The following SNUPN variants were observed in gnomAD, a reference collection of about 807,000 sequenced individuals.
SNUPN encodes the protein snurportin 1.
A neutral mutation model predicts 39.2 loss-of-function variants in SNUPN; 31 were observed. The observed-to-expected ratio is 0.79, with a 90% CI of 0.59 to 1.07. SNUPN has a LOEUF of 1.07. Among genes scored for constraint, SNUPN ranks in the 50% least tolerant of loss-of-function variants. The pLI, the probability that SNUPN is intolerant of heterozygous loss-of-function variation, is 0.00. For synonymous variants in SNUPN, 132 were observed against 159.0 expected, an observed-to-expected ratio of 0.83 and a Z score of 1.28; for missense variants, 382 against 434.2, an observed-to-expected ratio of 0.88 and a Z score of 1.07.
chr15:75,619,380 G>A (rs575140781), intron 2 of SNUPN, among the ~76,000 whole-genome samples: 6 of 152,052 alleles, frequency 3.9e-5, no homozygotes, highest in South Asian at 2.1e-4. Flanking sequence ...AGTGGCTGAC[G>A]TCTGAAATCC....
chr15:75,621,182 G>A (rs1288866701), intron 1 of SNUPN, 126 bp from the exon 2 acceptor site: 4 of 820,272 alleles, frequency 4.9e-6, no homozygotes, highest in Non-Finnish European at 7.7e-6. Flanking sequence ...AAAATCACAA[G>A]TGTTTCCATG....
chr15:75,622,657 C>T (rs945051256), intron 1 of SNUPN, among the ~76,000 whole-genome samples: 20 of 152,180 alleles, frequency 1.3e-4, no homozygotes, highest in Admixed American at 4.6e-4. Flanking sequence ...CAGTGCTTAA[C>T]CTCCATCCCA....
At chr15:75,606,497 A>AAAACCCCC (rs2075331998) in intron 6 of SNUPN, among the ~76,000 whole-genome samples, 2 of 152,050 alleles carry the variant, frequency 1.3e-5, no homozygotes, top group Admixed American at 1.3e-4. Context: ...AGGAAGTACC[A>AAAACCCCC]AAACCCCCAA....
intron 2 of SNUPN, among the ~76,000 whole-genome samples, chr15:75,620,256 T>C (rs1031291571): frequency 6.6e-6 from 1 of 152,166 alleles, no homozygotes; most frequent in Non-Finnish European, 1.5e-5. Context: ...GTTAGTAGTT[T>C]CTTCTGATCC....
intron 8 of SNUPN, among the ~76,000 whole-genome samples, chr15:75,598,941 C>A (rs969820302): frequency 6.6e-6 from 1 of 152,032 alleles, no homozygotes; most frequent in Non-Finnish European, 1.5e-5. Context: ...CTGAGGCAGG[C>A]AGATTGCTTG....
chr15:75,601,339 C>T, intron 7 of SNUPN, 121 bp from the exon 8 acceptor site: 1 of 666,222 alleles, frequency 1.5e-6, no homozygotes. Context: ...CTTTGGGAGG[C>T]AAAGTCAGGA....
intron 6 of SNUPN, chr15:75,605,497 C>T (rs2075324137): frequency 3.4e-6 from 1 of 293,248 alleles, no homozygotes; most frequent in Non-Finnish European, 6.5e-6. Flanking sequence ...GACAGGGTTT[C>T]ACCATGTTGG....
At chr15:75,601,767 T>A (rs1347027656) in intron 7 of SNUPN, among the ~76,000 whole-genome samples, 1 of 151,620 alleles carries the variant, frequency 6.6e-6, no homozygotes, top group Non-Finnish European at 1.5e-5. Context: ...CAAACCAAAC[T>A]AAACCAAGCC....
At chr15:75,621,537 T>C (rs969430310) in intron 1 of SNUPN, among the ~76,000 whole-genome samples, 1 of 152,120 alleles carries the variant, frequency 6.6e-6, no homozygotes, top group Non-Finnish European at 1.5e-5. Flanking sequence ...GCTGGCATTA[T>C]AGGTGTGAGC....
chr15:75,601,138 C>T lies in SNUPN; in HGVS notation c.759G>A (p.Glu253=). Residue 253 remains glutamate, a splice_region_variant and synonymous_variant, in exon 8 of 9, where the codon GAG becomes GAA. Transcript: ENST00000308588. ...CDVLSMDFPF[E]VDGLLFYHKQ... ...GCAATAAAGACAATGGTTTCGTTAC[C>T]TCAAAAGGGAAATCCATAGATAGCA... 6.2e-7 allele frequency: 1 copy of T among 1,610,964 alleles called. No individual in the cohort carries two copies.
intron 2 of SNUPN, among the ~76,000 whole-genome samples, chr15:75,620,113 T>C (rs1893031739): frequency 6.6e-6 from 1 of 152,138 alleles, no homozygotes; most frequent in African/African-American, 2.4e-5. Flanking sequence ...AACTACATTT[T>C]TAAAAATGGG....
intron 1 of SNUPN, chr15:75,622,376 C>T (rs1893094491): frequency 1.4e-5 from 14 of 985,226 alleles, no homozygotes; most frequent in Non-Finnish European, 1.7e-5. Flanking sequence ...GGCTGCTTAA[C>T]AAGTAACGTC....
At chr15:75,623,420 A>AT (rs1893124928) in intron 1 of SNUPN, among the ~76,000 whole-genome samples, 1 of 150,234 alleles carries the variant, frequency 6.7e-6, no homozygotes, top group South Asian at 2.1e-4. Flanking sequence ...AAGTGCTGGG[A>AT]TTACAGGTGT....
intron 2 of SNUPN, among the ~76,000 whole-genome samples, chr15:75,620,260 C>T (rs1356698529): frequency 6.6e-6 from 1 of 152,138 alleles, no homozygotes; most frequent in Admixed American, 6.6e-5. Flanking sequence ...GTAGTTTCTT[C>T]TGATCCCTAA....
At chr15:75,613,200 A>G (rs1210960286) in intron 3 of SNUPN, among the ~76,000 whole-genome samples, 1 of 136,202 alleles carries the variant, frequency 7.3e-6, no homozygotes, top group Non-Finnish European at 1.6e-5. Flanking sequence ...CGGAGCTTGT[A>G]GTGAGCCAAG....
intron 2 of SNUPN, 85 bp downstream of exon 2, chr15:75,620,809 G>T: frequency 2.5e-6 from 3 of 1,200,334 alleles, no homozygotes; most frequent in East Asian, 2.4e-5. Context: ...TGAAGGGAGA[G>T]TCTGTAGAGA....
chr15:75,602,746 T>TA (rs1232675889), intron 7 of SNUPN, among the ~76,000 whole-genome samples: 1 of 151,684 alleles, frequency 6.6e-6, no homozygotes, highest in African/African-American at 2.4e-5. Context: ...GCTGGAACTA[T>TA]AGGTGCACGC....
intron 1 of SNUPN, among the ~76,000 whole-genome samples, chr15:75,621,600 T>C (rs1480436925): frequency 1.3e-5 from 2 of 152,154 alleles, no homozygotes; most frequent in African/African-American, 4.8e-5. Context: ...TGAATAGCCA[T>C]CACTCATTAA....
chr15:75,609,729 G>T, intron 4 of SNUPN, 78 bp from the exon 5 acceptor site: 1 of 1,224,556 alleles, frequency 8.2e-7, no homozygotes, highest in Non-Finnish European at 1.2e-6. Context: ...CTGCAGGAAT[G>T]TTACTCGACC....
Sources: gnomAD v4.1 joint callset for allele counts (sites outside exome capture counted in the v4.1 genomes callset) on GRCh38, gnomAD v4.1.1 for gene constraint, MANE v1.5 for transcripts, NCBI Gene and HGNC (gene_info 2026-07-23, HGNC 2026-07-21) for gene names.